JPH2: variants seen among roughly 807,000 people sequenced by gnomAD.
JPH2 encodes junctophilin-2.
Under a neutral mutation model 55.9 loss-of-function variants are expected in JPH2, and 38 were observed. The observed-to-expected ratio is 0.68, with a 90% CI of 0.52 to 0.89. The LOEUF is 0.89. Ranked by LOEUF, JPH2 falls within the 40% of genes least tolerant of loss-of-function variation. The pLI, the probability that JPH2 is intolerant of heterozygous loss-of-function variation, is 0.00. For missense variants in JPH2, 964 were observed against 1,037.6 expected, an observed-to-expected ratio of 0.93 and a Z score of 0.97; for synonymous variants, 480 against 472.4, an observed-to-expected ratio of 1.02 and a Z score of -0.21.
At chr20:44,126,780 A>G (rs554012062) in intron 2 of JPH2, among the ~76,000 whole-genome samples, 6 of 152,348 alleles carry the variant, frequency 3.9e-5, no homozygotes, top group African/African-American at 1.4e-4. Context: ...ACAGTGGTCA[A>G]TGAGGCAGGC....
intron 1 of JPH2, among the ~76,000 whole-genome samples, chr20:44,181,335 C>T (rs557450962): frequency 6.6e-6 from 1 of 152,372 alleles, no homozygotes; most frequent in South Asian, 2.1e-4. Flanking sequence ...TTTAAACACA[C>T]ACGAACTCTC....
chr20:44,149,716 T>C (rs1178627781), intron 2 of JPH2, among the ~76,000 whole-genome samples: 2 of 152,184 alleles, frequency 1.3e-5, no homozygotes, highest in African/African-American at 4.8e-5. Flanking sequence ...CAGTGGCTCA[T>C]GCCTGTAATC....
chr20:44,171,991 G>T (rs2072702752), intron 1 of JPH2, among the ~76,000 whole-genome samples: 1 of 152,176 alleles, frequency 6.6e-6, no homozygotes, highest in South Asian at 2.1e-4. Flanking sequence ...GCATTAATAA[G>T]CACAGGCTTT....
In JPH2 at chr20:44,158,161, C is replaced by T. The variant is rs114479321; in HGVS notation, c.1169+1457G>A. ...GTCATGTAAAGCTGCACCTGTGGCG[C>T]GCTCTAAGGACAGAACGGCAGCTGC... On this transcript the variant is annotated intron_variant, in intron 2 of 5. Transcript: ENST00000372980. 3.2e-3 allele frequency among the ~76,000 whole-genome samples: 485 copies of T among 152,280 alleles called. 6 individuals are homozygous for T. The highest frequency in any genetic ancestry group is 0.027 in the East Asian group (139 of 5,184).
chr20:44,168,160 A>G (rs2072670734), intron 1 of JPH2, among the ~76,000 whole-genome samples: 1 of 152,228 alleles, frequency 6.6e-6, no homozygotes, highest in Non-Finnish European at 1.5e-5. Flanking sequence ...TTAACTGGAA[A>G]GATGAAAAGG....
At chr20:44,121,591 A>C (rs1449831863) in intron 2 of JPH2, among the ~76,000 whole-genome samples, 1 of 77,702 alleles carries the variant, frequency 1.3e-5, no homozygotes, top group African/African-American at 5.7e-5. Flanking sequence ...GTATATGCCA[A>C]GGGCTTTACA....
At chr20:44,138,071 G>A (rs561978375) in intron 2 of JPH2, among the ~76,000 whole-genome samples, 67 of 150,076 alleles carry the variant, frequency 4.5e-4, no homozygotes, top group African/African-American at 1.6e-3. Flanking sequence ...GCAGTGGTGC[G>A]ATCTCGGCTC....
intron 2 of JPH2, among the ~76,000 whole-genome samples, chr20:44,121,673 C>T (rs148554136): frequency 2.6e-5 from 4 of 152,168 alleles, no homozygotes; most frequent in African/African-American, 7.2e-5. Flanking sequence ...ACAGAGGAGA[C>T]ATCCAAGGCA....
At chr20:44,123,027 G>A (rs528301873) in intron 2 of JPH2, among the ~76,000 whole-genome samples, 1 of 152,280 alleles carries the variant, frequency 6.6e-6, no homozygotes, top group African/African-American at 2.4e-5. Context: ...CCTCAGGCAG[G>A]AAAGGCAGCC....
At chr20:44,152,810 C>A (rs1178738718) in intron 2 of JPH2, among the ~76,000 whole-genome samples, 3 of 152,186 alleles carry the variant, frequency 2.0e-5, no homozygotes, top group Admixed American at 2.0e-4. Flanking sequence ...GCCTACGGCT[C>A]TTTCATACCA....
chr20:44,162,886 A>G (rs900448625), intron 1 of JPH2, among the ~76,000 whole-genome samples: 10 of 149,058 alleles, frequency 6.7e-5, no homozygotes, highest in African/African-American at 2.5e-4. Context: ...TAAAACTGCA[A>G]TCTGCTTATT....
At chr20:44,178,475 G>A (rs1021451754) in intron 1 of JPH2, among the ~76,000 whole-genome samples, 14 of 152,306 alleles carry the variant, frequency 9.2e-5, no homozygotes, top group African/African-American at 2.4e-4. Flanking sequence ...CCATGTTCAC[G>A]GGTTGGAAGC....
chr20:44,141,210 C>G (rs191577018), intron 2 of JPH2, among the ~76,000 whole-genome samples: 1 of 152,330 alleles, frequency 6.6e-6, no homozygotes, highest in East Asian at 1.9e-4. Flanking sequence ...TTCAGGGAAG[C>G]AACGCATCCG....
At chr20:44,144,901 T>C (rs1204631649) in intron 2 of JPH2, among the ~76,000 whole-genome samples, 1 of 151,864 alleles carries the variant, frequency 6.6e-6, no homozygotes, top group Admixed American at 6.6e-5. Flanking sequence ...GCACTGCACA[T>C]TTATCAACAC....
intron 2 of JPH2, among the ~76,000 whole-genome samples, chr20:44,118,836 C>T (rs111514667): frequency 9.2e-5 from 14 of 152,384 alleles, no homozygotes; most frequent in African/African-American, 2.9e-4. Context: ...CCTTTCCCAA[C>T]CTCCCTTGCA....
intron 2 of JPH2, among the ~76,000 whole-genome samples, chr20:44,121,376 A>G (rs1264046792): frequency 4.6e-5 from 7 of 152,164 alleles, no homozygotes; most frequent in East Asian, 1.9e-4. Context: ...CTCAGTCTAC[A>G]GCAGAGAACT....
At chr20:44,116,451 G>T in intron 3 of JPH2, 65 bp from the exon 4 acceptor site, 2 of 1,527,610 alleles carry the variant, frequency 1.3e-6, no homozygotes, top group Non-Finnish European at 1.8e-6. Context: ...TCCTGGGCCA[G>T]CCACTTCACC....
intron 2 of JPH2, among the ~76,000 whole-genome samples, chr20:44,128,311 G>C: frequency 6.7e-6 from 1 of 149,138 alleles, no homozygotes; most frequent in African/African-American, 2.4e-5. Flanking sequence ...CCCACCCTCT[G>C]AGGTAGGTAC....
At chr20:44,122,447 T>C (rs765608945) in intron 2 of JPH2, among the ~76,000 whole-genome samples, 2 of 152,224 alleles carry the variant, frequency 1.3e-5, no homozygotes, top group Non-Finnish European at 2.9e-5. Context: ...TAATGCAATA[T>C]TTTAAAAGTC....
Sources: allele counts gnomAD v4.1 joint callset (sites outside exome capture counted in the v4.1 genomes callset), GRCh38; gene constraint gnomAD v4.1.1; transcripts MANE v1.5; gene names NCBI Gene and HGNC (gene_info 2026-07-23, HGNC 2026-07-21).